The following CGGBP1 variants were observed in gnomAD, a reference collection of about 807,000 sequenced individuals.
CGGBP1 encodes CGG triplet repeat binding protein 1.
CGGBP1 carries 4 observed loss-of-function variants against 11.4 expected under a neutral mutation model. That is an observed-to-expected ratio of 0.35 (90% CI 0.17 to 0.80). The LOEUF (loss-of-function observed/expected upper bound fraction) is 0.80. CGGBP1 is among the 30% of genes least tolerant of loss of function. The pLI is 0.52. For missense variants in CGGBP1, 135 were observed against 202.1 expected (o/e 0.67, Z 2.01); for synonymous variants, 76 against 74.1 (o/e 1.03, Z -0.13).
At chr3:88,119,246 G>A (rs1275944863) in intron 2 of CGGBP1, among the ~76,000 whole-genome samples, 8 of 148,576 alleles carry the variant, frequency 5.4e-5, no homozygotes, top group Non-Finnish European at 1.0e-4. Flanking sequence ...GGACATGGAT[G>A]AAATTGGAAA....
rs1704235665 is a variant in CGGBP1, at chr3:88,099,001, A to C, written c.-228-40778T>G. ...TCTGGCCGGGGCAATCAGGCGAGAG[A>C]AAGAAATAAAGGGTATTCAGTTAGG... is the stretch of plus-strand genomic sequence containing the variant. On this transcript the variant is annotated intron_variant, in intron 2 of 3. Coordinates refer to the CGGBP1 transcript ENST00000462901. Among the ~76,000 whole-genome samples, 4 of 152,172 alleles carry C rather than the reference A, an allele frequency of 2.6e-5. No homozygotes were observed. The South Asian group carries it at 8.3e-4, about 32-fold the overall frequency.
At chr3:88,090,276 T>C (rs2107675858) in intron 2 of CGGBP1, among the ~76,000 whole-genome samples, 1 of 152,250 alleles carries the variant, frequency 6.6e-6, no homozygotes, top group East Asian at 1.9e-4. Context: ...GAACTTCCAT[T>C]GTGACAAGAT....
At chr3:88,144,309 G>C (rs1051087735) in intron 1 of CGGBP1, 13 of 152,202 alleles carry the variant, frequency 8.5e-5, no homozygotes, top group African/African-American at 2.9e-4. Context: ...CACACTGAAG[G>C]TTCAGCCGTA....
intron 2 of CGGBP1, among the ~76,000 whole-genome samples, chr3:88,078,221 G>A (rs1328035661): frequency 6.6e-6 from 1 of 152,098 alleles, no homozygotes; most frequent in East Asian, 1.9e-4. Flanking sequence ...TCTTGTGCAT[G>A]TTCATTATCT....
chr3:88,092,065 A>G (rs1333010861), intron 2 of CGGBP1, among the ~76,000 whole-genome samples: 13 of 152,202 alleles, frequency 8.5e-5, no homozygotes. Flanking sequence ...CTAAATAGTA[A>G]GATTTCTTAG....
chr3:88,120,097 C>T (rs1351267139), intron 2 of CGGBP1, among the ~76,000 whole-genome samples: 1 of 151,150 alleles, frequency 6.6e-6, no homozygotes, highest in Admixed American at 6.6e-5. Flanking sequence ...AATAATGTAA[C>T]TTATAGGCAT....
intron 2 of CGGBP1, chr3:88,139,306 G>T: frequency 6.3e-7 from 1 of 1,591,918 alleles, no homozygotes. Context: ...CCAAGGCATC[G>T]TTGTATGTTA....
chr3:88,100,835 A>AGC (rs1404562362), intron 2 of CGGBP1, among the ~76,000 whole-genome samples: 2 of 152,200 alleles, frequency 1.3e-5, no homozygotes, highest in African/African-American at 4.8e-5. Context: ...GGGGAGGGAT[A>AGC]GCATCAGGAG....
intron 1 of CGGBP1, chr3:88,141,666 G>A (rs369369270): frequency 8.0e-6 from 12 of 1,503,574 alleles, no homozygotes; most frequent in Non-Finnish European, 1.1e-5. Context: ...AAACGGTTCA[G>A]AAAGATCTGT....
At chr3:88,129,728 C>T in intron 2 of CGGBP1, 1 of 1,527,326 alleles carries the variant, frequency 6.5e-7, no homozygotes, top group Non-Finnish European at 8.8e-7. Context: ...TTGATATCAT[C>T]TGTAATGCTG....
At chr3:88,085,167 G>A (rs1338448554) in intron 2 of CGGBP1, among the ~76,000 whole-genome samples, 4 of 152,200 alleles carry the variant, frequency 2.6e-5, no homozygotes, top group Non-Finnish European at 4.4e-5. Context: ...GGCTCTGAGT[G>A]TTCTTGGCTT....
chr3:88,120,640 C>A (rs1205423534), intron 2 of CGGBP1, among the ~76,000 whole-genome samples: 1 of 152,178 alleles, frequency 6.6e-6, no homozygotes, highest in Non-Finnish European at 1.5e-5. Context: ...GGTCTCCAGA[C>A]TTCTGCTTTA....
chr3:88,113,062 A>C (rs571756245), intron 2 of CGGBP1: 158 of 1,239,928 alleles, frequency 1.3e-4, no homozygotes, highest in Non-Finnish European at 1.8e-4. Flanking sequence ...ATAATCTTTT[A>C]ATTGGAGCAA....
intron 2 of CGGBP1, among the ~76,000 whole-genome samples, chr3:88,081,679 T>C (rs1005299070): frequency 1.2e-4 from 18 of 152,356 alleles, no homozygotes; most frequent in African/African-American, 4.3e-4. Context: ...GCTTCCATAT[T>C]CTCATATCCT....
At chr3:88,069,087 A>T (rs1008421856) in intron 2 of CGGBP1, among the ~76,000 whole-genome samples, 1 of 152,174 alleles carries the variant, frequency 6.6e-6, no homozygotes, top group Non-Finnish European at 1.5e-5. Context: ...GTGAAACAGA[A>T]GAAAAAAATC....
chr3:88,101,179 A>AT (rs1049745032), intron 2 of CGGBP1, among the ~76,000 whole-genome samples: 3 of 152,096 alleles, frequency 2.0e-5, no homozygotes, highest in East Asian at 3.9e-4. Flanking sequence ...TAATTCAGTG[A>AT]TTTTTTGGTA....
chr3:88,147,522 A>G (rs888069585), intron 1 of CGGBP1, among the ~76,000 whole-genome samples: 12 of 152,346 alleles, frequency 7.9e-5, no homozygotes, highest in East Asian at 1.9e-4. Context: ...AATGAAAGCT[A>G]AAGTCCATAT....
chr3:88,104,539 G>C (rs1483629426), intron 2 of CGGBP1, among the ~76,000 whole-genome samples: 5 of 152,172 alleles, frequency 3.3e-5, no homozygotes, highest in Admixed American at 3.3e-4. Context: ...AAATTGTAGT[G>C]AAATATTATT....
At chr3:88,094,204 A>G (rs1054277427) in intron 2 of CGGBP1, among the ~76,000 whole-genome samples, 8 of 150,468 alleles carry the variant, frequency 5.3e-5, no homozygotes, top group African/African-American at 2.0e-4. Flanking sequence ...TATTTTGTTT[A>G]TAGGATTTGT....
Sources: allele counts gnomAD v4.1 joint callset (sites outside exome capture counted in the v4.1 genomes callset), GRCh38; gene constraint gnomAD v4.1.1; transcripts MANE v1.5; gene names NCBI Gene and HGNC (gene_info 2026-07-23, HGNC 2026-07-21).